ATP9B: variants seen among roughly 807,000 people sequenced by gnomAD.
The protein encoded by ATP9B is probable phospholipid-transporting ATPase IIB.
ATP9B carries 110 observed loss-of-function variants against 146.1 expected under a neutral mutation model. That is an observed-to-expected ratio of 0.75 (90% CI 0.65 to 0.88). ATP9B has a LOEUF of 0.88. Ranked by LOEUF, ATP9B falls within the 40% of genes least tolerant of loss-of-function variation. ATP9B has a pLI of 0.00. For synonymous variants in ATP9B, 604 were observed against 569.7 expected, an observed-to-expected ratio of 1.06 and a Z score of -0.86; for missense variants, 1,499 against 1,496.4, an observed-to-expected ratio of 1.00 and a Z score of -0.03.
At chr18:79,366,246 G>T (rs1281920345) in intron 26 of ATP9B, among the ~76,000 whole-genome samples, 1 of 152,224 alleles carries the variant, frequency 6.6e-6, no homozygotes, top group Non-Finnish European at 1.5e-5. Context: ...CTGGCGCGGT[G>T]GTGGCGGACA....
intron 11 of ATP9B, among the ~76,000 whole-genome samples, chr18:79,252,406 CT>C (rs2096034763): frequency 7.1e-6 from 1 of 141,216 alleles, no homozygotes; most frequent in East Asian, 2.0e-4. Context: ...TTCTCCCACC[CT>C]TCCTGCAGCG....
intron 11 of ATP9B, among the ~76,000 whole-genome samples, chr18:79,230,080 GTAGTT>G (rs1053098125): frequency 6.6e-6 from 1 of 152,108 alleles, no homozygotes; most frequent in African/African-American, 2.4e-5. Context: ...TGAATAAAGT[GTAGTT>G]TAATTATTTT....
At chr18:79,111,527 G>A (rs1428115292) in intron 3 of ATP9B, among the ~76,000 whole-genome samples, 2 of 151,998 alleles carry the variant, frequency 1.3e-5, no homozygotes, top group African/African-American at 2.4e-5. Context: ...AATGTAAACT[G>A]TCTTACAGGC....
chr18:79,196,124 G>A (rs777851149), intron 9 of ATP9B, among the ~76,000 whole-genome samples: 3 of 152,160 alleles, frequency 2.0e-5, no homozygotes, highest in Non-Finnish European at 2.9e-5. Flanking sequence ...CTCAGCATAC[G>A]GAGCCATACA....
At chr18:79,362,106 A>G (rs1290498050) in intron 26 of ATP9B, 1 of 152,250 alleles carries the variant, frequency 6.6e-6, no homozygotes, top group Non-Finnish European at 1.5e-5. Flanking sequence ...TTTATAAAAT[A>G]CCTTCAGAGG....
intron 11 of ATP9B, among the ~76,000 whole-genome samples, chr18:79,224,690 A>G (rs949507777): frequency 2.0e-5 from 3 of 152,136 alleles, no homozygotes; most frequent in Non-Finnish European, 2.9e-5. Flanking sequence ...GTCGCTGCCA[A>G]TGTCTGTTGG....
intron 26 of ATP9B, chr18:79,360,796 A>G (rs2096983447): frequency 1.3e-5 from 2 of 152,238 alleles, no homozygotes; most frequent in Admixed American, 6.5e-5. Flanking sequence ...TGGTGGCATC[A>G]TCGTGACTAC....
chr18:79,320,670 A>G (rs1321407337), intron 15 of ATP9B, among the ~76,000 whole-genome samples: 5 of 152,166 alleles, frequency 3.3e-5, no homozygotes, highest in African/African-American at 1.2e-4. Context: ...CATATGGACC[A>G]TCTGGTTGGC....
rs202079223 is a variant in ATP9B at position 79,337,341 on chromosome 18, C to A, written c.2175C>A (p.Val725=). 1.1e-4 allele frequency: 174 copies of A among 1,614,004 alleles called. No individual in the cohort carries two copies. Among genetic ancestry groups the A allele is most frequent in the Non-Finnish European group, 1.4e-4 (167 of 1,180,044 alleles). The part of the protein sequence containing the change: ...HDRSLKVAAV[V]ESLEREMELL... ...GGTCCCTCAAGGTGGCCGCGGTAGT[C>A]GAGAGCCTGGAGAGGGAGATGGAAC... Residue 725 remains valine (V), a synonymous_variant, in exon 19 of 30, where the codon GTC becomes GTA. Coordinates refer to ENST00000426216, the MANE Select transcript of ATP9B (RefSeq NM_198531.5).
At chr18:79,359,300 A>G in intron 25 of ATP9B, 54 bp from the exon 26 acceptor site, 1 of 1,356,906 alleles carries the variant, frequency 7.4e-7, no homozygotes, top group Non-Finnish European at 1.1e-6. Flanking sequence ...GTCTGTTTCT[A>G]GCTGTGTGGT....
At chr18:79,311,724 A>G (rs1483634809) in intron 15 of ATP9B, among the ~76,000 whole-genome samples, 3 of 152,166 alleles carry the variant, frequency 2.0e-5, no homozygotes, top group African/African-American at 7.2e-5. Context: ...GAGAACATGG[A>G]TCACTCATCT....
chr18:79,282,593 A>G (rs2096389879), intron 13 of ATP9B, among the ~76,000 whole-genome samples: 1 of 152,250 alleles, frequency 6.6e-6, no homozygotes, highest in Non-Finnish European at 1.5e-5. Context: ...TTTTTTAGAC[A>G]TACTACTAAT....
At chr18:79,206,065 C>G (rs1376667788) in intron 9 of ATP9B, among the ~76,000 whole-genome samples, 1 of 151,970 alleles carries the variant, frequency 6.6e-6, no homozygotes, top group African/African-American at 2.4e-5. Flanking sequence ...CTCAGCCTCC[C>G]AAGCAGCTGG....
chr18:79,339,254 A>G (rs1543068), intron 19 of ATP9B, among the ~76,000 whole-genome samples: 30 of 142,768 alleles, frequency 2.1e-4, no homozygotes, highest in African/African-American at 4.2e-4. Context: ...AGTAGGAAGT[A>G]TGTCATGATC....
chr18:79,171,877 C>T (rs1168977044), intron 7 of ATP9B, among the ~76,000 whole-genome samples: 4 of 104,870 alleles, frequency 3.8e-5, no homozygotes, highest in African/African-American at 1.2e-4. Context: ...TTCGGAGACT[C>T]GTTTTTTTTT....
At chr18:79,170,973 A>T (rs1229977363) in intron 7 of ATP9B, among the ~76,000 whole-genome samples, 3 of 152,222 alleles carry the variant, frequency 2.0e-5, no homozygotes, top group African/African-American at 4.8e-5. Flanking sequence ...TGTGCTGTGC[A>T]GCTTTACATG....
chr18:79,335,973 T>G (rs886573838), intron 17 of ATP9B, among the ~76,000 whole-genome samples: 14 of 146,046 alleles, frequency 9.6e-5, no homozygotes, highest in African/African-American at 3.5e-4. Context: ...TCCCCCAGTG[T>G]ACACCAGGAG....
chr18:79,242,637 T>C (rs936495328), intron 11 of ATP9B, among the ~76,000 whole-genome samples: 7 of 152,254 alleles, frequency 4.6e-5, no homozygotes, highest in Non-Finnish European at 1.0e-4. Context: ...TACTTTGGAG[T>C]ATAATCATCG....
In ATP9B at chr18:79,303,482, T is replaced by C. The variant is rs1020660691; in HGVS notation, c.1412-122T>C. 5 of 662,664 alleles carry C rather than the reference T, an allele frequency of 7.5e-6. No individual in the cohort carries two copies. The East Asian group carries it at 7.8e-5, about 10-fold the overall frequency. The allele number at this position is 662,664 out of a possible 1,614,324, so 41.0% of individuals were successfully genotyped here. ...ACAATCTTAACGCTACTTTGTATTA[T>C]ACAGTTGGGCATCCCAGCTGCTTCA... On this transcript the variant is annotated intron_variant, in intron 13 of 29. Transcript: ENST00000426216.
Sources: allele counts gnomAD v4.1 joint callset (sites outside exome capture counted in the v4.1 genomes callset), GRCh38; gene constraint gnomAD v4.1.1; transcripts MANE v1.5; gene names NCBI Gene and HGNC (gene_info 2026-07-23, HGNC 2026-07-21).